The following SLC35F3 variants were observed in gnomAD, a reference collection of about 807,000 sequenced individuals.
SLC35F3 encodes the protein putative thiamine transporter SLC35F3.
In SLC35F3, 25 loss-of-function variants were observed where a neutral mutation model predicts 49.9. That is an observed-to-expected ratio of 0.50 (90% CI 0.37 to 0.70). The LOEUF is 0.70. Ranked by LOEUF, SLC35F3 falls within the 30% of genes least tolerant of loss-of-function variation. The pLI is 0.00. For synonymous variants in SLC35F3, 275 were observed against 265.4 expected (o/e 1.04, Z -0.35); for missense variants, 525 against 639.8 (o/e 0.82, Z 1.94).
chr1:234,145,339 A>C (rs1327035726), intron 2 of SLC35F3, among the ~76,000 whole-genome samples: 3 of 152,202 alleles, frequency 2.0e-5, no homozygotes, highest in Non-Finnish European at 4.4e-5. Context: ...TTTTGAATTT[A>C]ACTAGTCATC....
intron 2 of SLC35F3, among the ~76,000 whole-genome samples, chr1:234,024,467 G>A (rs928306747): frequency 6.6e-6 from 1 of 152,146 alleles, no homozygotes; most frequent in Non-Finnish European, 1.5e-5. Flanking sequence ...CCTGAAACTG[G>A]GCAGTTTATA....
intron 2 of SLC35F3, among the ~76,000 whole-genome samples, chr1:234,018,084 C>G (rs768271751): frequency 2.6e-5 from 4 of 152,042 alleles, no homozygotes; most frequent in Non-Finnish European, 5.9e-5. Context: ...AAGGCAGAGG[C>G]CTTCTTTGGC....
intron 3 of SLC35F3, among the ~76,000 whole-genome samples, chr1:234,300,730 G>C (rs147018863): frequency 6.6e-6 from 1 of 152,340 alleles, no homozygotes; most frequent in African/African-American, 2.4e-5. Flanking sequence ...ACCAACCAAA[G>C]AGGTTGGCCA....
At chr1:233,983,840 A>G (rs1663223710) in intron 2 of SLC35F3, among the ~76,000 whole-genome samples, 1 of 152,236 alleles carries the variant, frequency 6.6e-6, no homozygotes. Flanking sequence ...ATGAGGCGGC[A>G]TATCTGAGCA....
intron 2 of SLC35F3, among the ~76,000 whole-genome samples, chr1:234,090,546 A>G (rs1345201691): frequency 6.6e-6 from 1 of 152,218 alleles, no homozygotes; most frequent in Non-Finnish European, 1.5e-5. Flanking sequence ...GGTCTAAAGT[A>G]TGGGGAAAGT....
intron 2 of SLC35F3, among the ~76,000 whole-genome samples, chr1:234,156,557 CA>C (rs1370562712): frequency 6.6e-6 from 1 of 152,064 alleles, no homozygotes; most frequent in Non-Finnish European, 1.5e-5. Context: ...AGCAGTTCCT[CA>C]AAAAGCTACA....
At chr1:233,907,359 G>T (rs1661793623) in intron 2 of SLC35F3, among the ~76,000 whole-genome samples, 1 of 152,226 alleles carries the variant, frequency 6.6e-6, no homozygotes, top group Non-Finnish European at 1.5e-5. Context: ...AGAGCTTACA[G>T]CAGTGATGAC....
intron 2 of SLC35F3, among the ~76,000 whole-genome samples, chr1:234,158,486 T>C (rs961087085): frequency 3.9e-5 from 6 of 152,358 alleles, no homozygotes; most frequent in Non-Finnish European, 7.4e-5. Flanking sequence ...GAATACTTTC[T>C]GCCACATATT....
At position 233,929,474 on chromosome 1, in the gene SLC35F3, G is replaced by A. The variant is rs142502421; in HGVS notation, c.283+23716G>A. ...TGGAAAAAGCCCACTACTTTACCCCGATCCTAAATCACTGGAAATGGACAC... is the reference window on the plus strand; with the variant it reads ...TGGAAAAAGCCCACTACTTTACCCCAATCCTAAATCACTGGAAATGGACAC... On this transcript the variant is annotated intron_variant, in intron 2 of 7. Transcript: ENST00000366618. 1.4e-3 allele frequency among the ~76,000 whole-genome samples: 215 copies of A among 152,196 alleles called. 1 individual carries two copies. The highest frequency in any genetic ancestry group is 4.4e-3 in the African/African-American group (183 of 41,534).
At chr1:234,034,639 G>A (rs3040155) in intron 2 of SLC35F3, among the ~76,000 whole-genome samples, 17,935 of 128,358 alleles carry the variant, frequency 0.14, 1,678 homozygotes, top group African/African-American at 0.43. Flanking sequence ...TCCTGCCTCA[G>A]CCTCCCAAGT....
intron 2 of SLC35F3, among the ~76,000 whole-genome samples, chr1:234,197,086 G>A (rs1232947194): frequency 2.6e-5 from 4 of 152,192 alleles, no homozygotes; most frequent in South Asian, 2.1e-4. Context: ...CATTTTAAAG[G>A]GTCTTGAGCA....
At chr1:234,288,294 A>G (rs936168838) in intron 3 of SLC35F3, among the ~76,000 whole-genome samples, 1 of 152,214 alleles carries the variant, frequency 6.6e-6, no homozygotes, top group Admixed American at 6.5e-5. Flanking sequence ...TGCGAAAACA[A>G]AGAAGGCAGT....
intron 2 of SLC35F3, among the ~76,000 whole-genome samples, chr1:234,029,925 G>A (rs1434092028): frequency 6.6e-6 from 1 of 152,098 alleles, no homozygotes. Flanking sequence ...ATTTCTTCTT[G>A]TATCTCTTTC....
At position 234,316,686 on chromosome 1, in the gene SLC35F3, G is replaced by T. The variant is rs745608754; in HGVS notation, c.913G>T (p.Ala305Ser). 9.9e-6 allele frequency: 16 copies of T among 1,613,108 alleles called. No individual in the cohort carries two copies. The highest frequency in any genetic ancestry group is 1.4e-5 in the Non-Finnish European group (16 of 1,179,104). The change falls in exon 5 of 8, where the codon GCA (alanine) becomes TCA (serine). Residue 305 changes from alanine to serine, a missense_variant. Transcript: ENST00000366618. Reference protein sequence around the residue: ...GFHSHSVIGIALVVASASMSA... With the variant: ...GFHSHSVIGISLVVASASMSA... Reference sequence around the variant, plus strand: ...CCACAGCCACTCCGTCATCGGCATCGCACTGGTGGTGGCCTCAGCATCGAT... The same window carrying T: ...CCACAGCCACTCCGTCATCGGCATCTCACTGGTGGTGGCCTCAGCATCGAT...
chr1:234,049,630 G>C (rs980062663), intron 2 of SLC35F3, among the ~76,000 whole-genome samples: 1 of 151,876 alleles, frequency 6.6e-6, no homozygotes, highest in Non-Finnish European at 1.5e-5. Context: ...TGTATTTTTT[G>C]TTTGTTTGTT....
At chr1:234,201,726 T>G (rs1316724525) in intron 2 of SLC35F3, among the ~76,000 whole-genome samples, 2 of 152,100 alleles carry the variant, frequency 1.3e-5, no homozygotes, top group Non-Finnish European at 2.9e-5. Context: ...AATACAAGAC[T>G]TGAATGGGTT....
intron 2 of SLC35F3, among the ~76,000 whole-genome samples, chr1:234,217,587 G>A (rs1002824200): frequency 1.3e-5 from 2 of 151,686 alleles, no homozygotes; most frequent in African/African-American, 2.4e-5. Flanking sequence ...AATACTTTCT[G>A]AGGGGGGCCT....
chr1:234,228,095 C>G (rs1330634826), intron 2 of SLC35F3, among the ~76,000 whole-genome samples: 1 of 152,184 alleles, frequency 6.6e-6, no homozygotes, highest in Non-Finnish European at 1.5e-5. Context: ...TGAGTTTGCT[C>G]CAGTCCCTTC....
At chr1:234,251,289 A>C (rs1282181338) in intron 3 of SLC35F3, among the ~76,000 whole-genome samples, 1 of 152,148 alleles carries the variant, frequency 6.6e-6, no homozygotes, top group African/African-American at 2.4e-5. Flanking sequence ...ACAAAAGGGA[A>C]AGTAACCATG....
Sources: allele counts gnomAD v4.1 joint callset (sites outside exome capture counted in the v4.1 genomes callset), GRCh38; gene constraint gnomAD v4.1.1; transcripts MANE v1.5; gene names NCBI Gene and HGNC (gene_info 2026-07-23, HGNC 2026-07-21).